The following PTPN14 variants were observed in gnomAD, a reference collection of about 807,000 sequenced individuals.
PTPN14 encodes the protein tyrosine-protein phosphatase non-receptor type 14.
Under a neutral mutation model 126.8 loss-of-function variants are expected in PTPN14, and 53 were observed. The observed-to-expected ratio is 0.42, with a 90% CI of 0.34 to 0.53. The LOEUF is 0.53. Among genes scored for constraint, PTPN14 ranks in the 20% least tolerant of loss-of-function variants. PTPN14 has a pLI of 0.08. For synonymous variants in PTPN14, 630 were observed against 599.3 expected (o/e 1.05, Z -0.75); for missense variants, 1,257 against 1,552.9 (o/e 0.81, Z 3.20).
At chr1:214,451,632 C>T (rs957992543) in intron 3 of PTPN14, among the ~76,000 whole-genome samples, 173 bp downstream of exon 3, 3 of 152,176 alleles carry the variant, frequency 2.0e-5, no homozygotes, top group African/African-American at 7.2e-5. Flanking sequence ...TCAACCAAAA[C>T]TCTAAAGCTG....
intron 1 of PTPN14, among the ~76,000 whole-genome samples, chr1:214,544,914 A>G (rs1167224455): frequency 6.6e-6 from 1 of 151,956 alleles, no homozygotes; most frequent in Non-Finnish European, 1.5e-5. Context: ...AAAGGAAAGG[A>G]AGGCTTCAGT....
At chr1:214,390,653 A>G (rs1658727853) in intron 11 of PTPN14, among the ~76,000 whole-genome samples, 1 of 152,172 alleles carries the variant, frequency 6.6e-6, no homozygotes, top group South Asian at 2.1e-4. Flanking sequence ...CTCGTAACTG[A>G]AGATGTATCT....
chr1:214,489,694 C>G (rs1407544853), intron 1 of PTPN14, among the ~76,000 whole-genome samples: 4 of 152,190 alleles, frequency 2.6e-5, no homozygotes, highest in African/African-American at 9.7e-5. Flanking sequence ...ATATTCAACT[C>G]TGCAGCTCCA....
intron 1 of PTPN14, among the ~76,000 whole-genome samples, chr1:214,549,852 G>A (rs1656063144): frequency 6.6e-6 from 1 of 152,168 alleles, no homozygotes; most frequent in African/African-American, 2.4e-5. Context: ...TCCCATAAGT[G>A]GCTAACGTGC....
At chr1:214,374,357 T>C (rs1658291196) in intron 15 of PTPN14, among the ~76,000 whole-genome samples, 1 of 152,226 alleles carries the variant, frequency 6.6e-6, no homozygotes, top group South Asian at 2.1e-4. Flanking sequence ...ATATATTTGC[T>C]GGCTAGGAGT....
At chr1:214,434,630 T>C (rs1659871400) in intron 3 of PTPN14, among the ~76,000 whole-genome samples, 2 of 152,078 alleles carry the variant, frequency 1.3e-5, no homozygotes, top group South Asian at 2.1e-4. Context: ...CAAAGTGTGG[T>C]TGGAAATCAA....
chr1:214,518,502 C>T (rs913202648), intron 1 of PTPN14, among the ~76,000 whole-genome samples: 5 of 152,136 alleles, frequency 3.3e-5, no homozygotes, highest in Admixed American at 2.0e-4. Context: ...CTATTATCCA[C>T]TGTGGTAGAT....
At chr1:214,547,233 A>G (rs1443743410) in intron 1 of PTPN14, among the ~76,000 whole-genome samples, 1 of 152,162 alleles carries the variant, frequency 6.6e-6, no homozygotes, top group Non-Finnish European at 1.5e-5. Flanking sequence ...CCCTCCTATT[A>G]CAAAAGTCCA....
chr1:214,485,649 G>T (rs1166760505), intron 1 of PTPN14, among the ~76,000 whole-genome samples: 1 of 152,098 alleles, frequency 6.6e-6, no homozygotes. Context: ...TGTAACCACA[G>T]ACATGGAGAG....
chr1:214,381,569 T>G (rs770845691), intron 13 of PTPN14, among the ~76,000 whole-genome samples: 2 of 152,152 alleles, frequency 1.3e-5, no homozygotes, highest in Non-Finnish European at 2.9e-5. Context: ...AACTGTGAGG[T>G]TGAGAATGTT....
intron 1 of PTPN14, among the ~76,000 whole-genome samples, chr1:214,503,344 T>C (rs535981283): frequency 7.9e-5 from 12 of 152,338 alleles, no homozygotes; most frequent in African/African-American, 2.4e-4. Context: ...ACTTCTTTTT[T>C]AGATATGGCA....
At chr1:214,482,579 G>GAAAAA (rs56404750) in intron 1 of PTPN14, among the ~76,000 whole-genome samples, 1 of 149,710 alleles carries the variant, frequency 6.7e-6, no homozygotes, top group African/African-American at 2.5e-5. Context: ...GTTTAGAAAA[G>GAAAAA]AAAAAAAAAA....
At chr1:214,473,608 G>A (rs967856874) in intron 1 of PTPN14, among the ~76,000 whole-genome samples, 1 of 152,074 alleles carries the variant, frequency 6.6e-6, no homozygotes, top group Non-Finnish European at 1.5e-5. Flanking sequence ...TCTTGGTGAG[G>A]GTGTAAGAAA....
At chr1:214,530,801 G>C (rs917272765) in intron 1 of PTPN14, 3 of 152,144 alleles carry the variant, frequency 2.0e-5, no homozygotes, top group African/African-American at 7.2e-5. Flanking sequence ...GAGTTCAGTA[G>C]TAACCTTCTT....
At position 214,537,382 on chromosome 1, in the gene PTPN14, A is replaced by C. The variant is rs374600820; in HGVS notation, c.-155+13801T>G. 2.0e-4 allele frequency among the ~76,000 whole-genome samples: 30 copies of C among 152,304 alleles called. 1 individual carries two copies. The East Asian group carries it at 4.2e-3, about 22-fold the overall frequency. On this transcript the variant is annotated intron_variant, in intron 1 of 18. Transcript: ENST00000366956. The stretch of plus-strand genomic sequence containing the variant: ...GCACAAGCTCTGGATTCATGCCCAG[A>C]TTTGACACTAGGCTCCATCATTCAC...
intron 3 of PTPN14, among the ~76,000 whole-genome samples, chr1:214,446,830 C>A (rs1207591920): frequency 6.6e-6 from 1 of 152,158 alleles, no homozygotes; most frequent in East Asian, 1.9e-4. Flanking sequence ...TGCTATAGAA[C>A]CTGTTCTCAA....
At chr1:214,455,923 C>T (rs1281507265) in intron 2 of PTPN14, among the ~76,000 whole-genome samples, 1 of 152,038 alleles carries the variant, frequency 6.6e-6, no homozygotes, top group Non-Finnish European at 1.5e-5. Flanking sequence ...GGGAACTCTC[C>T]GTACCTTTTG....
At chr1:214,407,755 T>C (rs1286406452) in intron 5 of PTPN14, among the ~76,000 whole-genome samples, 1 of 152,180 alleles carries the variant, frequency 6.6e-6, no homozygotes, top group Non-Finnish European at 1.5e-5. Flanking sequence ...CTTGCTTTGC[T>C]TTCTTGTTTT....
At chr1:214,476,799 C>T (rs192138700) in intron 1 of PTPN14, among the ~76,000 whole-genome samples, 9 of 152,312 alleles carry the variant, frequency 5.9e-5, no homozygotes, top group Non-Finnish European at 1.2e-4. Context: ...GTCCCCACCA[C>T]CTAGAGTTGT....
Sources: allele counts gnomAD v4.1 joint callset (sites outside exome capture counted in the v4.1 genomes callset), GRCh38; gene constraint gnomAD v4.1.1; transcripts MANE v1.5; gene names NCBI Gene and HGNC (gene_info 2026-07-23, HGNC 2026-07-21).